The following VNN1 variants were observed in gnomAD, a reference collection of about 807,000 sequenced individuals.
VNN1 encodes vanin 1.
VNN1 carries 29 observed loss-of-function variants against 41.9 expected under a neutral mutation model. The observed-to-expected ratio is 0.69, with a 90% CI of 0.52 to 0.94. The LOEUF is 0.94. VNN1 is among the 40% of genes least tolerant of loss of function. VNN1 has a pLI of 0.00. For synonymous variants in VNN1, 233 were observed against 224.4 expected (o/e 1.04, Z -0.34); for missense variants, 637 against 621.1 (o/e 1.03, Z -0.27).
At chr6:132,709,530 G>C (rs565587853) in intron 2 of VNN1, among the ~76,000 whole-genome samples, 3 of 152,042 alleles carry the variant, frequency 2.0e-5, no homozygotes, top group African/African-American at 7.2e-5. Flanking sequence ...AACTAGCTGG[G>C]TGTTGTGGCT....
In VNN1 at chr6:132,693,980, T is replaced by A; in HGVS notation, c.534+10A>T. 6.2e-7 allele frequency: 1 copy of A among 1,613,930 alleles called. No individual in the cohort carries two copies. The highest frequency in any genetic ancestry group is 8.5e-7 in the Non-Finnish European group (1 of 1,179,890). On this transcript the variant is annotated intron_variant, in intron 3 of 6. Transcript: ENST00000367928. ...ATTAACTAATTGGATTATTTGCAAA[T>A]TAATTTTACCTTATGGTAGCGTGCC...
At chr6:132,693,884 C>T (rs1348396769) in intron 3 of VNN1, 106 bp downstream of exon 3, 1 of 1,337,888 alleles carries the variant, frequency 7.5e-7, no homozygotes, top group Non-Finnish European at 1.0e-6. Context: ...TTTGCCCCTA[C>T]TCGATTTCTA....
In VNN1 at chr6:132,681,697, G is replaced by T. The variant is rs1162073298; in HGVS notation, c.*1443C>A. 1 of 152,480 alleles carries T rather than the reference G, an allele frequency of 6.6e-6. No homozygotes were observed. Among genetic ancestry groups the T allele is most frequent in the Non-Finnish European group, 1.5e-5 (1 of 68,010 alleles). The allele number at this position is 152,480 out of a possible 1,614,324, so 9.4% of individuals were successfully genotyped here. ...ACAGAGAATTGCTCTGAGGATTCCT[G>T]TTTCTAAATACATTATGGGCTTTCT... On this transcript the variant is annotated 3_prime_UTR_variant, in exon 7 of 7. Transcript: ENST00000367928.
intron 3 of VNN1, among the ~76,000 whole-genome samples, 181 bp downstream of exon 3, chr6:132,693,809 A>T (rs1778326737): frequency 6.6e-6 from 1 of 152,176 alleles, no homozygotes; most frequent in East Asian, 1.9e-4. Context: ...GTGTTCTTAT[A>T]TGTACACGGA....
Position 132,682,879 on chromosome 6 carries a change from G to A in VNN1, c.*261C>T, listed in dbSNP as rs369060433. The A allele has an allele frequency of 6.5e-5, 15 of 230,116 alleles. 2 individuals carry two copies. The highest frequency in any genetic ancestry group is 5.6e-5 in the Admixed American group (1 of 17,748). The allele number at this position is 230,116 out of a possible 1,614,324, so 14.3% of individuals were successfully genotyped here. On this transcript the variant is annotated 3_prime_UTR_variant, in exon 7 of 7. Transcript: ENST00000367928. ...TACCCGTAGTTTTTATTTCTTCTGC[G>A]TAAAAGATTTGTGATACTTATTTGA...
intron 2 of VNN1, among the ~76,000 whole-genome samples, chr6:132,705,073 AG>A (rs1299431039): frequency 6.6e-6 from 1 of 152,132 alleles, no homozygotes; most frequent in Admixed American, 6.5e-5. Flanking sequence ...CAGGACTTAA[AG>A]GCTTCAGTGC....
chr6:132,712,337 A>G (rs943485470), intron 1 of VNN1, among the ~76,000 whole-genome samples: 1 of 151,898 alleles, frequency 6.6e-6, no homozygotes, highest in Non-Finnish European at 1.5e-5. Flanking sequence ...TTTAGTAGAG[A>G]TGGGGTTTCT....
rs1778638924 is a variant in VNN1 at position 132,714,046 on chromosome 6, A to G, written c.-11T>C. 6.2e-7 allele frequency: 1 copy of G among 1,604,712 alleles called. No individual in the cohort carries two copies. Among genetic ancestry groups the G allele is most frequent in the Admixed American group, 1.7e-5 (1 of 58,568 alleles). Reference sequence around the variant, plus strand: ...CAACTGAGTAGTCATGCTGAAGTCCAATGAGTGCTGAAAAACAGAGCATGT... The same window carrying G: ...CAACTGAGTAGTCATGCTGAAGTCCGATGAGTGCTGAAAAACAGAGCATGT... On this transcript the variant is annotated 5_prime_UTR_variant, in exon 1 of 7. Coordinates refer to ENST00000367928, the MANE Select transcript of VNN1 (RefSeq NM_004666.3).
In VNN1 at chr6:132,696,089, G is replaced by A. The variant is rs576229461; in HGVS notation, c.342-1907C>T. Among the ~76,000 whole-genome samples the A allele has an allele frequency of 8.5e-5, 13 of 152,196 alleles. 1 individual carries two copies. The highest frequency in any genetic ancestry group is 2.6e-4 in the Admixed American group (4 of 15,288). On this transcript the variant is annotated intron_variant, in intron 2 of 6. Transcript: ENST00000367928. ...TTTTACAGAAGCTTAAGAAAATAAA[G>A]GAAGATGTGGAGAAAATCAAAAAAC... is the stretch of plus-strand genomic sequence containing the variant.
intron 3 of VNN1, 57 bp downstream of exon 3, chr6:132,693,933 T>G: frequency 1.3e-6 from 2 of 1,587,788 alleles, no homozygotes; most frequent in Admixed American, 3.4e-5. Flanking sequence ...TTTTTCTCCT[T>G]GCCCACTTTA....
intron 5 of VNN1, among the ~76,000 whole-genome samples, chr6:132,691,144 G>A (rs897330913): frequency 1.3e-5 from 2 of 152,080 alleles, no homozygotes; most frequent in African/African-American, 4.8e-5. Flanking sequence ...GAATAGGAAG[G>A]GACCACACAT....
chr6:132,687,963 T>C (rs1339567451), intron 5 of VNN1, among the ~76,000 whole-genome samples: 1 of 152,200 alleles, frequency 6.6e-6, no homozygotes, highest in East Asian at 1.9e-4. Context: ...TATAAAATGC[T>C]TGGAAAATCT....
intron 1 of VNN1, 111 bp downstream of exon 1, chr6:132,713,715 T>C: frequency 1.7e-6 from 2 of 1,204,602 alleles, no homozygotes; most frequent in South Asian, 1.5e-5. Context: ...TTGGCTACTC[T>C]GATACATATA....
At position 132,693,221 on chromosome 6, in the gene VNN1, G is replaced by A. The variant is rs774996692; in HGVS notation, c.629C>T (p.Thr210Ile). The change falls in exon 4 of 7, where the codon ACA (threonine) becomes ATA (isoleucine). Residue 210 changes from threonine (T) to isoleucine (I), a missense_variant. By Grantham distance (89) the Thr-to-Ile change is moderately conservative. Transcript: ENST00000367928. The part of the protein sequence containing the change: ...NTTFGSFGIF[T>I]CFDILFHDPA... ...ATCATGGAAGAGTATATCAAAGCAT[G>A]TGAAAATGCCAAAACTTCCAAAGGT... The A allele has an allele frequency of 1.1e-5, 17 of 1,613,998 alleles. No homozygotes were observed. In the Admixed American group the frequency reaches 2.8e-4, roughly 27 times the overall value.
intron 2 of VNN1, among the ~76,000 whole-genome samples, chr6:132,708,478 C>T (rs1457420345): frequency 1.3e-5 from 2 of 152,136 alleles, no homozygotes; most frequent in Admixed American, 6.6e-5. Flanking sequence ...TCCTTTAACG[C>T]TCAGTCTAAG....
chr6:132,713,977 C>T lies in VNN1; in HGVS notation c.59G>A (p.Ser20Asn), dbSNP rs376545016. The change falls in exon 1 of 7, where the codon AGC (serine) becomes AAC (asparagine). Residue 20 changes from serine to asparagine, a missense_variant. Coordinates refer to ENST00000367928, the MANE Select transcript of VNN1 (RefSeq NM_004666.3). ...AGCTGCAGTGAAAGTGTCCTGGCAG[C>T]TGGCTCTTGAGACATAGAAAAGCAA... The part of the protein sequence containing the change: ...AILLFYVSRA[S>N]CQDTFTAAVY... 5 of 1,614,156 alleles carry T rather than the reference C, an allele frequency of 3.1e-6. No individual in the cohort carries two copies. The highest frequency in any genetic ancestry group is 4.2e-6 in the Non-Finnish European group (5 of 1,180,022).
Position 132,693,309 on chromosome 6 carries a change from G to T in VNN1, c.541C>A (p.Leu181Ile). The T allele has an allele frequency of 6.3e-7, 1 of 1,597,344 alleles. No homozygotes were observed. The highest frequency in any genetic ancestry group is 8.5e-7 in the Non-Finnish European group (1 of 1,172,650). Residue 181 changes from leucine to isoleucine, a missense_variant, in exon 4 of 7, where the codon CTT becomes ATT. Coordinates refer to ENST00000367928, the MANE Select transcript of VNN1 (RefSeq NM_004666.3). The stretch of plus-strand genomic sequence containing the variant: ...TTGAATTGATTTTCACCCATGAAAA[G>T]GTTTTGCTGCAATAAACAGAAGATA... ...KLVARYHKQN[L>I]FMGENQFNVP...
chr6:132,691,331 T>G (rs1381036348), intron 5 of VNN1, among the ~76,000 whole-genome samples: 1 of 152,120 alleles, frequency 6.6e-6, no homozygotes, highest in Non-Finnish European at 1.5e-5. Flanking sequence ...GGAAGCCCTG[T>G]TAAGTGAGAT....
At chr6:132,694,789 G>A (rs1340359664) in intron 2 of VNN1, among the ~76,000 whole-genome samples, 1 of 152,042 alleles carries the variant, frequency 6.6e-6, no homozygotes, top group Non-Finnish European at 1.5e-5. Context: ...TTGAACTTGG[G>A]ATTTTGAGGC....
Sources: allele counts gnomAD v4.1 joint callset (sites outside exome capture counted in the v4.1 genomes callset), GRCh38; gene constraint gnomAD v4.1.1; transcripts MANE v1.5; gene names NCBI Gene and HGNC (gene_info 2026-07-23, HGNC 2026-07-21).